Variants in NCBP1 observed in about 807,000 individuals in gnomAD.
NCBP1 encodes nuclear cap binding protein subunit 1, also known as nuclear cap-binding protein subunit 1.
A neutral mutation model predicts 111.7 loss-of-function variants in NCBP1; 16 were observed. The ratio of observed to expected loss-of-function variants is 0.14; its 90% CI spans 0.10 to 0.22. NCBP1 has a LOEUF of 0.22. NCBP1 is among the 10% of genes least tolerant of loss of function. The pLI is 1.00. For synonymous variants in NCBP1, 304 were observed against 314.3 expected (o/e 0.97, Z 0.35); for missense variants, 607 against 957.5 (o/e 0.63, Z 4.83).
At chr9:97,655,677 G>C (rs776041784) in intron 12 of NCBP1, 25 bp from the exon 13 acceptor site, 8 of 1,577,998 alleles carry the variant, frequency 5.1e-6, no homozygotes, top group Non-Finnish European at 8.6e-7. Context: ...CTTTTTCTCT[G>C]CCTACCTCCC....
At position 97,633,846 on chromosome 9, in the gene NCBP1, C is replaced by T. The variant is rs745354324; in HGVS notation, c.-36C>T. 5.6e-5 allele frequency: 88 copies of T among 1,569,016 alleles called. No individual in the cohort carries two copies. Among genetic ancestry groups the T allele is most frequent in the Middle Eastern group, 3.4e-4 (2 of 5,804 alleles). ...AGACAGTTCCTGCAGCGCTTACCGC[C>T]TGGCCTCTCGGTTCCGCGGCGCACC... is the stretch of plus-strand genomic sequence containing the variant. On this transcript the variant is annotated 5_prime_UTR_variant, in exon 1 of 23. Transcript: ENST00000375147.
In NCBP1 at chr9:97,643,255, A is replaced by C; in HGVS notation, c.276A>C (p.Leu92=). The C allele has an allele frequency of 6.2e-7, 1 of 1,612,294 alleles. No homozygotes were observed. Among genetic ancestry groups the C allele is most frequent in the South Asian group, 1.1e-5 (1 of 90,732 alleles). ...KLTIYTTLVG[L]LNARNYNFGG... Reference sequence around the variant, plus strand: ...CAATTTATACAACATTAGTTGGACTACTGAATGCCAGGAATTACAATTTTG... The same window carrying C: ...CAATTTATACAACATTAGTTGGACTCCTGAATGCCAGGAATTACAATTTTG... Residue 92 remains leucine, a synonymous_variant, in exon 4 of 23, where the codon CTA becomes CTC. Coordinates refer to ENST00000375147, the MANE Select transcript of NCBP1 (RefSeq NM_002486.5).
At chr9:97,662,885 G>C (rs779562115) in intron 17 of NCBP1, 69 bp from the exon 18 acceptor site, 60 of 1,158,984 alleles carry the variant, frequency 5.2e-5, no homozygotes, top group Non-Finnish European at 7.5e-5. Flanking sequence ...ACATTGAAAA[G>C]GCTTTGAAAA....
At chr9:97,650,672 A>G (rs1827473516) in intron 9 of NCBP1, 72 bp downstream of exon 9, 3 of 1,297,632 alleles carry the variant, frequency 2.3e-6, no homozygotes. Context: ...AGAGCAAAAT[A>G]TATGTTGAGA....
chr9:97,634,725 C>T (rs1173033674), intron 1 of NCBP1: 4 of 152,150 alleles, frequency 2.6e-5, no homozygotes, highest in Non-Finnish European at 5.9e-5. Flanking sequence ...AAAAGTAAAA[C>T]TTAGAGTAAT....
intron 1 of NCBP1, among the ~76,000 whole-genome samples, chr9:97,634,117 C>T (rs182147493): frequency 6.6e-6 from 1 of 152,226 alleles, no homozygotes; most frequent in Non-Finnish European, 1.5e-5. Context: ...TTCTTTGAGT[C>T]AAGGGCCGAT....
chr9:97,646,704 G>C (rs1312267685), intron 6 of NCBP1, among the ~76,000 whole-genome samples: 1 of 151,942 alleles, frequency 6.6e-6, no homozygotes, highest in Non-Finnish European at 1.5e-5. Context: ...GAGCGTGGTG[G>C]TGGGTGCCTG....
chr9:97,651,393 C>A lies in NCBP1; in HGVS notation c.1059+20C>A, dbSNP rs763478244. ...GTTGAGGTATGAATTCCATGTGGAG[C>A]GTGTTTCTGAGTTTCAGAATCTTTC... is the stretch of plus-strand genomic sequence containing the variant. On this transcript the variant is annotated intron_variant, in intron 10 of 22. Transcript: ENST00000375147. The A allele has an allele frequency of 2.5e-6, 4 of 1,606,414 alleles. No individual in the cohort carries two copies. Among genetic ancestry groups the A allele is most frequent in the Non-Finnish European group, 3.4e-6 (4 of 1,175,568 alleles).
Position 97,653,774 on chromosome 9 carries a change from T to C in NCBP1, c.1060-24T>C, listed in dbSNP as rs202190140. 9.1e-5 allele frequency: 144 copies of C among 1,577,206 alleles called. 1 individual carries two copies. The Middle Eastern group carries it at 2.0e-3, about 22-fold the overall frequency. On this transcript the variant is annotated intron_variant, in intron 10 of 22. Coordinates refer to ENST00000375147, the MANE Select transcript of NCBP1 (RefSeq NM_002486.5). ...GTGCAAAGATAGCAGTTGGATTGAATTGTGACTCATGATTCTTTTGTAGGT... is the reference window on the plus strand; with the variant it reads ...GTGCAAAGATAGCAGTTGGATTGAACTGTGACTCATGATTCTTTTGTAGGT...
At chr9:97,647,435 G>T in intron 6 of NCBP1, 57 bp from the exon 7 acceptor site, 2 of 1,331,630 alleles carry the variant, frequency 1.5e-6, no homozygotes, top group South Asian at 2.4e-5. Flanking sequence ...CTGTGAGGGT[G>T]ACTGAGCATC....
intron 21 of NCBP1, among the ~76,000 whole-genome samples, 156 bp from the exon 22 acceptor site, chr9:97,669,437 C>T (rs1828108918): frequency 6.6e-6 from 1 of 152,098 alleles, no homozygotes; most frequent in African/African-American, 2.4e-5. Context: ...ACCAGTCTGC[C>T]CTTCTAGGTT....
At chr9:97,640,743 T>G in intron 1 of NCBP1, 51 bp from the exon 2 acceptor site, 1 of 1,402,068 alleles carries the variant, frequency 7.1e-7, no homozygotes, top group South Asian at 1.2e-5. Context: ...AAATAAAATT[T>G]GTGATAGCAG....
intron 8 of NCBP1, among the ~76,000 whole-genome samples, chr9:97,648,778 A>G (rs1316925608): frequency 6.6e-6 from 1 of 152,054 alleles, no homozygotes; most frequent in East Asian, 1.9e-4. Context: ...GGTGAGATCT[A>G]AGCTCACTGC....
chr9:97,658,431 C>T (rs967450774), intron 14 of NCBP1, among the ~76,000 whole-genome samples: 1 of 152,228 alleles, frequency 6.6e-6, no homozygotes, highest in African/African-American at 2.4e-5. Flanking sequence ...CTCACCCGCA[C>T]CTCAGTGCAA....
chr9:97,639,278 C>T (rs543238507), intron 1 of NCBP1, among the ~76,000 whole-genome samples: 77 of 152,092 alleles, frequency 5.1e-4, no homozygotes, highest in Non-Finnish European at 8.7e-4. Flanking sequence ...ACCCTGTAAC[C>T]TTTATAATAC....
rs2131374149 is a variant in NCBP1 at position 97,671,474 on chromosome 9, G to A, written c.*275G>A. ...AGTTTGTTATTTTTTTTCTCCTTAA[G>A]GCACAAAATAATTGGTTTGAGGTAT... is the stretch of plus-strand genomic sequence containing the variant. On this transcript the variant is annotated 3_prime_UTR_variant, in exon 23 of 23. Coordinates refer to ENST00000375147, the MANE Select transcript of NCBP1 (RefSeq NM_002486.5). The A allele has an allele frequency of 9.3e-6, 3 of 323,702 alleles. 1 individual carries two copies. Among genetic ancestry groups the A allele is most frequent in the East Asian group, 1.4e-4 (2 of 14,528 alleles). The allele number at this position is 323,702 out of a possible 1,614,324, so 20.1% of individuals were successfully genotyped here.
At chr9:97,650,628 A>C in intron 9 of NCBP1, 28 bp downstream of exon 9, 2 of 1,583,248 alleles carry the variant, frequency 1.3e-6, no homozygotes, top group Non-Finnish European at 1.7e-6. Context: ...GTACTTTTAG[A>C]AGGGAGAGAA....
At chr9:97,660,232 A>G (rs1476058444) in intron 15 of NCBP1, among the ~76,000 whole-genome samples, 1 of 152,168 alleles carries the variant, frequency 6.6e-6, no homozygotes, top group Non-Finnish European at 1.5e-5. Flanking sequence ...TATTCATTCC[A>G]GTAACTCATA....
chr9:97,668,184 C>T (rs1344528836), intron 20 of NCBP1, among the ~76,000 whole-genome samples: 2 of 152,244 alleles, frequency 1.3e-5, no homozygotes, highest in Admixed American at 6.5e-5. Flanking sequence ...CGTTCTGGCT[C>T]TGCCACTTTC....
Sources: gnomAD v4.1 joint callset for allele counts (sites outside exome capture counted in the v4.1 genomes callset) on GRCh38, gnomAD v4.1.1 for gene constraint, MANE v1.5 for transcripts, NCBI Gene and HGNC (gene_info 2026-07-23, HGNC 2026-07-21) for gene names.